The following LRRC51 variants were observed in gnomAD, a reference collection of about 807,000 sequenced individuals.
LRRC51 encodes leucine-rich repeat-containing protein 51.
A neutral mutation model predicts 17.8 loss-of-function variants in LRRC51; 8 were observed. The observed-to-expected ratio is 0.45, with a 90% CI of 0.26 to 0.81. The LOEUF (loss-of-function observed/expected upper bound fraction) is 0.81. Among genes scored for constraint, LRRC51 ranks in the 30% least tolerant of loss-of-function variants. The pLI is 0.17. For missense variants in LRRC51, 233 were observed against 239.3 expected (o/e 0.97, Z 0.17); for synonymous variants, 92 against 96.0 (o/e 0.96, Z 0.24).
At chr11:72,084,057 C>G (rs1296120358) in intron 1 of LRRC51, among the ~76,000 whole-genome samples, 1 of 152,244 alleles carries the variant, frequency 6.6e-6, no homozygotes, top group East Asian at 1.9e-4. Context: ...AGTGCAGTGG[C>G]ACAGTCATAG....
intron 3 of LRRC51, among the ~76,000 whole-genome samples, chr11:72,090,553 A>C (rs1426567836): frequency 6.6e-6 from 1 of 152,204 alleles, no homozygotes; most frequent in East Asian, 1.9e-4. Flanking sequence ...TGTGAGGCAC[A>C]TCAAAGGCCC....
At position 72,088,361 on chromosome 11, in the gene LRRC51, G is replaced by A; in HGVS notation, c.-75G>A. On this transcript the variant is annotated 5_prime_UTR_variant, in exon 2 of 6. Transcript: ENST00000289488. The stretch of plus-strand genomic sequence containing the variant: ...ACAGGAATGAATGCCTAATGGTGGA[G>A]TTTCAGCCATCAGTGACAGGTGAGT... The A allele has an allele frequency of 1.4e-6, 1 of 702,656 alleles. No individual in the cohort carries two copies. The highest frequency in any genetic ancestry group is 2.6e-6 in the Non-Finnish European group (1 of 384,994). The allele number at this position is 702,656 out of a possible 1,614,324, so 43.5% of individuals were successfully genotyped here. A position where few individuals can be genotyped will look rare whatever the true frequency, so the allele number is the denominator to read the frequency against.
Position 72,096,687 on chromosome 11 carries a change from G to C in LRRC51, c.*1167G>C. 1 of 1,547,610 alleles carries C rather than the reference G, an allele frequency of 6.5e-7. No individual in the cohort carries two copies. Among genetic ancestry groups the C allele is most frequent in the Non-Finnish European group, 8.7e-7 (1 of 1,145,036 alleles). On this transcript the variant is annotated 3_prime_UTR_variant, in exon 6 of 6. Transcript: ENST00000289488. ...TACTTTTCAGCTTAGAGATTTGGGG[G>C]TTAAAGTAGATCAGTAATTTCCAAA...
chr11:72,089,795 C>T (rs1288968033), intron 3 of LRRC51, among the ~76,000 whole-genome samples: 2 of 152,202 alleles, frequency 1.3e-5, no homozygotes, highest in Non-Finnish European at 2.9e-5. Flanking sequence ...CACACTCGCT[C>T]CCATTTTGCC....
intron 3 of LRRC51, among the ~76,000 whole-genome samples, chr11:72,089,880 C>T (rs1477168335): frequency 1.3e-5 from 2 of 152,246 alleles, no homozygotes; most frequent in African/African-American, 4.8e-5. Flanking sequence ...ATGTCATATT[C>T]CCAATGAGTC....
chr11:72,095,422 T>G lies in LRRC51; in HGVS notation c.481T>G (p.Phe161Val), dbSNP rs773732109. 6.2e-7 allele frequency: 1 copy of G among 1,614,068 alleles called. No homozygotes were observed. The change falls in exon 6 of 6, where the codon TTC becomes GTC. Residue 161 changes from phenylalanine (F) to valine (V), a missense_variant. Transcript: ENST00000289488. ...CTLSRITTFD[F>V]SGVTKADRTT... Reference sequence around the variant, plus strand: ...CCTGTCCCGTATCACCACGTTCGACTTCAGTGGGGTCACCAAAGCAGACCG... The same window carrying G: ...CCTGTCCCGTATCACCACGTTCGACGTCAGTGGGGTCACCAAAGCAGACCG...
At chr11:72,094,501 T>A in intron 4 of LRRC51, 2 of 587,966 alleles carry the variant, frequency 3.4e-6, no homozygotes, top group Non-Finnish European at 6.0e-6. Flanking sequence ...CCAAGATCCC[T>A]AAGAGGGGAA....
At position 72,088,294 on chromosome 11, in the gene LRRC51, CAG is replaced by C; in HGVS notation, c.-139-2_-139-1del. The C allele has an allele frequency of 1.4e-6, 1 of 697,586 alleles. No homozygotes were observed. The highest frequency in any genetic ancestry group is 2.6e-6 in the Non-Finnish European group (1 of 382,320). The allele number at this position is 697,586 out of a possible 1,614,324, so 43.2% of individuals were successfully genotyped here. A position where few individuals can be genotyped will look rare whatever the true frequency, so the allele number is the denominator to read the frequency against. On this transcript the variant is annotated splice_acceptor_variant, in intron 1 of 5. Transcript: ENST00000289488. LOFTEE classifies it low-confidence loss of function (5UTR_SPLICE). ...ATAACAACATTGTGTTCATCCCTGTCAGGGAGTATTTCCATTTTAACCGGAAA... is the reference window on the plus strand; with the variant it reads ...ATAACAACATTGTGTTCATCCCTGTCGGAGTATTTCCATTTTAACCGGAAA...
chr11:72,084,155 C>G (rs961870182), intron 1 of LRRC51, among the ~76,000 whole-genome samples: 1 of 152,156 alleles, frequency 6.6e-6, no homozygotes, highest in Admixed American at 6.5e-5. Context: ...AGCTGCCATG[C>G]CTGGCTAAAT....
At chr11:72,090,239 A>T (rs571794129) in intron 3 of LRRC51, among the ~76,000 whole-genome samples, 7 of 152,288 alleles carry the variant, frequency 4.6e-5, no homozygotes, top group Non-Finnish European at 8.8e-5. Flanking sequence ...TTTAGCTGCA[A>T]TAGTAACTAT....
At position 72,093,531 on chromosome 11, in the gene LRRC51, C is replaced by T. The variant is rs1211045098; in HGVS notation, c.118C>T (p.Pro40Ser). The T allele has an allele frequency of 2.5e-6, 4 of 1,614,078 alleles. No homozygotes were observed. In the South Asian group the frequency reaches 4.4e-5, roughly 18 times the overall value. ...VNEEPRTGLR[P>S]LKRSKSGKSL... ...TGAGGAGCCAAGGACAGGACTACGA[C>T]CACTGAAGCGTTCAAAGTCGGGGAA... Residue 40 changes from proline to serine, a missense_variant, in exon 4 of 6, where the codon CCA (proline) becomes TCA (serine). Coordinates refer to ENST00000289488, the MANE Select transcript of LRRC51 (RefSeq NM_145309.6).
chr11:72,084,975 C>A (rs897595401), intron 1 of LRRC51, among the ~76,000 whole-genome samples: 7 of 149,882 alleles, frequency 4.7e-5, no homozygotes, highest in African/African-American at 7.4e-5. Context: ...CTTTGAGTTT[C>A]TATTTGATGT....
intron 3 of LRRC51, 191 bp downstream of exon 3, chr11:72,089,356 G>A (rs918496299): frequency 3.3e-6 from 5 of 1,493,608 alleles, no homozygotes; most frequent in Non-Finnish European, 4.5e-6. Context: ...TTTTGATTTT[G>A]CCCCGATACA....
At position 72,095,562 on chromosome 11, in the gene LRRC51, C is replaced by G. The variant is rs777909475; in HGVS notation, c.*42C>G. On this transcript the variant is annotated 3_prime_UTR_variant, in exon 6 of 6. Transcript: ENST00000289488. ...GTAGTCCTAAAGGCCTAAGCATAGA[C>G]AGCATGGTTTGACAATAAATAATTT... The G allele has an allele frequency of 1.2e-6, 2 of 1,603,196 alleles. No individual in the cohort carries two copies. The highest frequency in any genetic ancestry group is 1.7e-5 in the Admixed American group (1 of 58,120).
rs753913701 is a variant in LRRC51 at position 72,094,961 on chromosome 11, T to G, written c.302T>G (p.Phe101Cys). ...LTSIDPVLTT[F>C]FNLSVLYLHG... ...CCTCCCCAACAGGTCCTAACAACTTTCTTCAACCTGAGTGTCCTCTATCTT... is the reference window on the plus strand; with the variant it reads ...CCTCCCCAACAGGTCCTAACAACTTGCTTCAACCTGAGTGTCCTCTATCTT... Residue 101 changes from phenylalanine to cysteine, a missense_variant, in exon 5 of 6, where the codon TTC (phenylalanine) becomes TGC (cysteine). By Grantham distance (205) the Phe-to-Cys change is radical. Transcript: ENST00000289488. The G allele has an allele frequency of 2.5e-6, 4 of 1,614,034 alleles. No individual in the cohort carries two copies. The highest frequency in any genetic ancestry group is 3.4e-6 in the Non-Finnish European group (4 of 1,180,014).
intron 3 of LRRC51, among the ~76,000 whole-genome samples, chr11:72,091,889 T>G (rs2076686178): frequency 1.3e-5 from 2 of 152,186 alleles, no homozygotes; most frequent in Non-Finnish European, 2.9e-5. Context: ...CCATTCACTC[T>G]TGAACTCACT....
chr11:72,082,875 T>G (rs1002777264), intron 1 of LRRC51, among the ~76,000 whole-genome samples: 12 of 152,206 alleles, frequency 7.9e-5, no homozygotes, highest in African/African-American at 2.9e-4. Context: ...TTTTTTTTTT[T>G]TCTTTTTGAG....
chr11:72,089,824 T>C (rs1944755387), intron 3 of LRRC51, among the ~76,000 whole-genome samples: 2 of 152,332 alleles, frequency 1.3e-5, no homozygotes, highest in East Asian at 1.9e-4. Flanking sequence ...TCTTTGTAAA[T>C]GGGTAGCTAG....
In LRRC51 at chr11:72,096,724, G is replaced by T. The variant is rs1388059558; in HGVS notation, c.*1204G>T. ...CAGTAATTTCCAAACTCTTCACAGAGTACCAGGGTCTGTAGAGATGCCTCA... is the reference window on the plus strand; with the variant it reads ...CAGTAATTTCCAAACTCTTCACAGATTACCAGGGTCTGTAGAGATGCCTCA... On this transcript the variant is annotated 3_prime_UTR_variant, in exon 6 of 6. Coordinates refer to ENST00000289488, the MANE Select transcript of LRRC51 (RefSeq NM_145309.6). 1.9e-6 allele frequency: 3 copies of T among 1,546,864 alleles called. No homozygotes were observed. Among genetic ancestry groups the T allele is most frequent in the African/African-American group, 2.7e-5 (2 of 72,814 alleles).
Sources: gnomAD v4.1 joint callset for allele counts (sites outside exome capture counted in the v4.1 genomes callset) on GRCh38, gnomAD v4.1.1 for gene constraint, MANE v1.5 for transcripts, NCBI Gene and HGNC (gene_info 2026-07-23, HGNC 2026-07-21) for gene names.